The following ARHGEF3 variants were observed in gnomAD, a reference collection of about 807,000 sequenced individuals.
ARHGEF3 encodes the protein Rho guanine nucleotide exchange factor 3.
In ARHGEF3, 28 loss-of-function variants were observed where a neutral mutation model predicts 63.2. The ratio of observed to expected loss-of-function variants is 0.44; its 90% confidence interval spans 0.33 to 0.61. The LOEUF (loss-of-function observed/expected upper bound fraction) is 0.61. Ranked by LOEUF, ARHGEF3 falls within the 20% of genes least tolerant of loss-of-function variation. The pLI is 0.03. For synonymous variants in ARHGEF3, 266 were observed against 254.2 expected, an observed-to-expected ratio of 1.05 and a Z score of -0.44; for missense variants, 533 against 659.3, an observed-to-expected ratio of 0.81 and a Z score of 2.10.
chr3:57,066,167 T>TA (rs1180077849), intron 1 of ARHGEF3, among the ~76,000 whole-genome samples: 1 of 152,116 alleles, frequency 6.6e-6, no homozygotes, highest in Non-Finnish European at 1.5e-5. Flanking sequence ...GGGAGGGACT[T>TA]ATTTTGCAGT....
chr3:56,746,502 C>A lies in ARHGEF3; in HGVS notation c.613-1040G>T, dbSNP rs988167032. Among the ~76,000 whole-genome samples the A allele has an allele frequency of 1.6e-4, 24 of 152,272 alleles. No homozygotes were observed. In the East Asian group the frequency reaches 1.7e-3, roughly 11 times the overall value. On this transcript the variant is annotated intron_variant, in intron 6 of 9. Transcript: ENST00000296315. ...ATCCCAGCACATTGGGAAGCCGGGGCAGGCGGATCACGAGGTCAGGAGTTT... is the reference window on the plus strand; with the variant it reads ...ATCCCAGCACATTGGGAAGCCGGGGAAGGCGGATCACGAGGTCAGGAGTTT...
chr3:57,039,884 C>T (rs1310104672), intron 1 of ARHGEF3, among the ~76,000 whole-genome samples: 1 of 152,192 alleles, frequency 6.6e-6, no homozygotes, highest in African/African-American at 2.4e-5. Context: ...TCTGCAAAGT[C>T]CCTTTTTCCA....
At chr3:56,830,605 C>T (rs2038899909) in intron 4 of ARHGEF3, among the ~76,000 whole-genome samples, 1 of 152,208 alleles carries the variant, frequency 6.6e-6, no homozygotes, top group African/African-American at 2.4e-5. Flanking sequence ...CCTCCACTGG[C>T]TTCCACTGCA....
chr3:56,862,387 C>A (rs2040106718), intron 4 of ARHGEF3, among the ~76,000 whole-genome samples: 1 of 152,218 alleles, frequency 6.6e-6, no homozygotes, highest in African/African-American at 2.4e-5. Flanking sequence ...TGAATCCCTG[C>A]TCTTGTTCCA....
intron 1 of ARHGEF3, among the ~76,000 whole-genome samples, chr3:56,796,283 G>A (rs577191111): frequency 6.1e-4 from 93 of 152,162 alleles, no homozygotes; most frequent in African/African-American, 1.9e-3. Context: ...GGATTTTTAC[G>A]GGCAATCACA....
intron 7 of ARHGEF3, 72 bp downstream of exon 7, chr3:56,745,133 C>A: frequency 6.5e-7 from 1 of 1,542,984 alleles, no homozygotes; most frequent in Non-Finnish European, 8.8e-7. Flanking sequence ...CTTCCATTCA[C>A]CCACTGACCC....
chr3:56,776,111 C>T (rs1261319295), intron 1 of ARHGEF3, among the ~76,000 whole-genome samples: 2 of 152,170 alleles, frequency 1.3e-5, no homozygotes, highest in African/African-American at 2.4e-5. Context: ...GAGCACTGCA[C>T]GCTTGACAGG....
intron 2 of ARHGEF3, among the ~76,000 whole-genome samples, chr3:56,770,786 G>T (rs1355566558): frequency 6.6e-6 from 1 of 152,110 alleles, no homozygotes; most frequent in Non-Finnish European, 1.5e-5. Context: ...CTGCTGGGTT[G>T]TTTCTGGCCA....
At chr3:56,866,893 A>C (rs192750744) in intron 4 of ARHGEF3, among the ~76,000 whole-genome samples, 1 of 152,240 alleles carries the variant, frequency 6.6e-6, no homozygotes, top group Non-Finnish European at 1.5e-5. Flanking sequence ...AGATCTTTCC[A>C]TACCAACTGA....
chr3:56,768,450 CAT>C (rs2035829666), intron 2 of ARHGEF3, among the ~76,000 whole-genome samples: 1 of 151,422 alleles, frequency 6.6e-6, no homozygotes, highest in Admixed American at 6.6e-5. Flanking sequence ...AAAGATTCAA[CAT>C]AGAGTTATTT....
At chr3:56,892,915 T>C (rs896730581) in intron 3 of ARHGEF3, among the ~76,000 whole-genome samples, 1 of 152,198 alleles carries the variant, frequency 6.6e-6, no homozygotes, top group African/African-American at 2.4e-5. Context: ...CAAAGCTCCC[T>C]TTCAATCACT....
chr3:56,789,710 T>C (rs1274658963), intron 1 of ARHGEF3, among the ~76,000 whole-genome samples: 2 of 152,242 alleles, frequency 1.3e-5, no homozygotes, highest in African/African-American at 4.8e-5. Flanking sequence ...TGAGCTATTA[T>C]GTACTATTTC....
upstream of ARHGEF3, among the ~76,000 whole-genome samples, chr3:56,804,863 A>C (rs1167839044): frequency 2.6e-5 from 4 of 152,168 alleles, no homozygotes; most frequent in Non-Finnish European, 4.4e-5. Flanking sequence ...CTGATTAACT[A>C]TGCAGCCAAA....
intron 2 of ARHGEF3, among the ~76,000 whole-genome samples, chr3:56,767,057 C>T (rs926098845): frequency 6.6e-6 from 1 of 151,940 alleles, no homozygotes; most frequent in Non-Finnish European, 1.5e-5. Context: ...TGCCTATAAT[C>T]CCAGCACTTT....
intron 2 of ARHGEF3, among the ~76,000 whole-genome samples, chr3:57,013,799 G>C (rs535471112): frequency 3.2e-4 from 49 of 152,334 alleles, no homozygotes; most frequent in African/African-American, 1.2e-3. Context: ...TCAGCACCCT[G>C]TCAAAACGGA....
intron 1 of ARHGEF3, among the ~76,000 whole-genome samples, chr3:57,042,659 T>A (rs1704237831): frequency 1.8e-4 from 1 of 5,460 alleles, no homozygotes; most frequent in Non-Finnish European, 2.8e-4. Flanking sequence ...TAAATATATA[T>A]ATATATATAT....
At chr3:57,051,480 T>G (rs905404979) in intron 1 of ARHGEF3, among the ~76,000 whole-genome samples, 1 of 151,674 alleles carries the variant, frequency 6.6e-6, no homozygotes, top group Non-Finnish European at 1.5e-5. Flanking sequence ...AGAGTGAAAC[T>G]CCACCTCAAA....
chr3:56,898,087 C>T (rs1047176424), intron 3 of ARHGEF3, among the ~76,000 whole-genome samples: 2 of 151,722 alleles, frequency 1.3e-5, no homozygotes, highest in African/African-American at 4.8e-5. Flanking sequence ...ATTTTGTTGC[C>T]CAGGCTCGTC....
rs1381161995 is a variant in ARHGEF3, at chr3:56,978,379, TC to T, written c.63-19491del. 3.9e-5 allele frequency among the ~76,000 whole-genome samples: 6 copies of T among 152,354 alleles called. No individual in the cohort carries two copies. In the East Asian group the frequency reaches 1.2e-3, roughly 29 times the overall value. Reference sequence around the variant, plus strand: ...TGCCATGTCACACGTTCCTACACTGTCTAAAATTTTATGACATGTACATTTT... The same window carrying T: ...TGCCATGTCACACGTTCCTACACTGTTAAAATTTTATGACATGTACATTTT... On this transcript the variant is annotated intron_variant, in intron 2 of 12. Coordinates refer to the ARHGEF3 transcript ENST00000338458.
Sources: allele counts gnomAD v4.1 joint callset (sites outside exome capture counted in the v4.1 genomes callset), GRCh38; gene constraint gnomAD v4.1.1; transcripts MANE v1.5; gene names NCBI Gene and HGNC (gene_info 2026-07-23, HGNC 2026-07-21).